Variants in DYNC2I2 observed in about 807,000 individuals in gnomAD.
DYNC2I2 encodes the protein cytoplasmic dynein 2 intermediate chain 2.
In DYNC2I2, 39 loss-of-function variants were observed where a neutral mutation model predicts 52.0. The observed-to-expected ratio is 0.75, with a 90% CI of 0.58 to 0.98. The LOEUF (loss-of-function observed/expected upper bound fraction) is 0.98, where lower values mean the gene tolerates loss of function less well. Among genes scored for constraint, DYNC2I2 ranks in the 50% least tolerant of loss-of-function variants. The pLI, the probability that DYNC2I2 is intolerant of heterozygous loss-of-function variation, is 0.00. For synonymous variants in DYNC2I2, 359 were observed against 321.1 expected, an observed-to-expected ratio of 1.12 and a Z score of -1.26; for missense variants, 743 against 728.4, an observed-to-expected ratio of 1.02 and a Z score of -0.23.
Position 128,635,278 on chromosome 9 carries a change from G to A in DYNC2I2, c.814-19C>T, listed in dbSNP as rs1473077530. 3 of 1,610,538 alleles carry A rather than the reference G, an allele frequency of 1.9e-6. No individual in the cohort carries two copies. The highest frequency in any genetic ancestry group is 2.2e-5 in the East Asian group (1 of 44,820). On this transcript the variant is annotated intron_variant, in intron 5 of 8. Transcript: ENST00000372715. ...ACACCACCTGAGTTAACAGCATGCA[G>A]GGCCAGGATGGAGACAAGGGACACC... is the stretch of plus-strand genomic sequence containing the variant.
At chr9:128,635,406 TG>T in intron 5 of DYNC2I2, 147 bp from the exon 6 acceptor site, 1 of 1,061,438 alleles carries the variant, frequency 9.4e-7, no homozygotes, top group Middle Eastern at 3.2e-4. Context: ...GGGGCAGGCC[TG>T]GAGGGTTCCC....
intron 2 of DYNC2I2, among the ~76,000 whole-genome samples, chr9:128,640,108 C>T (rs541247883): frequency 1.5e-4 from 23 of 150,130 alleles, no homozygotes; most frequent in African/African-American, 4.9e-4. Context: ...CCCGGGCTCA[C>T]GCCATTCTCC....
At position 128,651,015 on chromosome 9, in the gene DYNC2I2, C is replaced by T. The variant is rs946712821; in HGVS notation, c.186+5526G>A. On this transcript the variant is annotated intron_variant, in intron 1 of 8. Coordinates refer to ENST00000372715, the MANE Select transcript of DYNC2I2 (RefSeq NM_052844.4). ...CCTGCACCATGGCCACCTCTGCCCC[C>T]TCCTCGGAGCATGTCGGGAAGCGGC... 6 of 58,048 alleles carry T rather than the reference C, an allele frequency of 1.0e-4. 2 individuals carry two copies. Among genetic ancestry groups the T allele is most frequent in the African/African-American group, 2.1e-4 (6 of 29,248 alleles). The allele number at this position is 58,048 out of a possible 1,614,324, so 3.6% of individuals were successfully genotyped here. A position where few individuals can be genotyped will look rare whatever the true frequency, so the allele number is the denominator to read the frequency against.
In DYNC2I2 at chr9:128,635,164, T is replaced by C. The variant is rs774299298; in HGVS notation, c.909A>G (p.Val303=). The C allele has an allele frequency of 6.2e-7, 1 of 1,613,480 alleles. No individual in the cohort carries two copies. Among genetic ancestry groups the C allele is most frequent in the Non-Finnish European group, 8.5e-7 (1 of 1,179,992 alleles). Reference sequence around the variant, plus strand: ...AGCCCTCTGTGAGCTGCAGCTGGCCTACCCCGATGCCCTGCCAGAGTAGCA... The same window carrying C: ...AGCCCTCTGTGAGCTGCAGCTGGCCCACCCCGATGCCCTGCCAGAGTAGCA... ...GKVLLWQGIG[V]GQLQLTEGFA... is the part of the protein sequence containing the mutation. Residue 303 remains valine, a synonymous_variant, in exon 6 of 9, where the codon GTA becomes GTG. Transcript: ENST00000372715.
intron 1 of DYNC2I2, among the ~76,000 whole-genome samples, chr9:128,649,381 C>A (rs1860681173): frequency 6.6e-6 from 1 of 152,016 alleles, no homozygotes; most frequent in South Asian, 2.1e-4. Context: ...GAGTTTGAGG[C>A]TGCGTGAGCT....
chr9:128,682,043 A>G, the DYNC2I2 span, among the ~76,000 whole-genome samples: 1 of 151,116 alleles, frequency 6.6e-6, no homozygotes, highest in Non-Finnish European at 1.5e-5. Context: ...ACAGCACTCC[A>G]GCCTGGATGA....
At chr9:128,683,119 C>G in the DYNC2I2 span, among the ~76,000 whole-genome samples, 2 of 150,844 alleles carry the variant, frequency 1.3e-5, no homozygotes, top group African/African-American at 4.9e-5. Context: ...CTCAGCCTCC[C>G]AAGTAGCTGG....
At chr9:128,661,498 A>T (rs1221723744), upstream of DYNC2I2, among the ~76,000 whole-genome samples, 1 of 151,782 alleles carries the variant, frequency 6.6e-6, no homozygotes, top group East Asian at 1.9e-4. Flanking sequence ...GGTGCCTGTT[A>T]TCTCAGCTAC....
Position 128,633,932 on chromosome 9 carries a change from A to C in DYNC2I2, c.1423T>G (p.Leu475Val). 6.2e-7 allele frequency: 1 copy of C among 1,613,214 alleles called. No homozygotes were observed. Residue 475 changes from leucine to valine, a missense_variant, in exon 9 of 9, where the codon TTG (leucine) becomes GTG (valine). Physicochemically the swap from Leu to Val is conservative, Grantham distance 32. Transcript: ENST00000372715. ...CTTTCATCCTGGGTTTGCTTGATCAAAACTGTGGGTTTCTGGGAGCTTTTC... is the reference window on the plus strand; with the variant it reads ...CTTTCATCCTGGGTTTGCTTGATCACAACTGTGGGTTTCTGGGAGCTTTTC... ...LQKSSQKPTV[L>V]IKQTQDESPV... is the part of the protein sequence containing the mutation.
chr9:128,673,754 C>A, the DYNC2I2 span, among the ~76,000 whole-genome samples: 1 of 151,794 alleles, frequency 6.6e-6, no homozygotes, highest in Non-Finnish European at 1.5e-5. Flanking sequence ...GATCCGCCCC[C>A]CTAGGCCTCC....
chr9:128,666,483 C>T, the DYNC2I2 span, among the ~76,000 whole-genome samples: 2 of 151,768 alleles, frequency 1.3e-5, no homozygotes, highest in East Asian at 1.9e-4. Context: ...AAGACAATGC[C>T]GGGCATGGTG....
At chr9:128,636,185 C>G in intron 4 of DYNC2I2, 96 bp downstream of exon 4, 1 of 1,525,606 alleles carries the variant, frequency 6.6e-7, no homozygotes, top group Non-Finnish European at 8.9e-7. Flanking sequence ...TTCCTGTCTC[C>G]GGGCCAAAGG....
chr9:128,682,968 G>A, the DYNC2I2 span, among the ~76,000 whole-genome samples: 3 of 149,558 alleles, frequency 2.0e-5, no homozygotes, highest in African/African-American at 7.4e-5. Context: ...GAGTCACTGC[G>A]CCCGGCTGGG....
intron 1 of DYNC2I2, among the ~76,000 whole-genome samples, chr9:128,648,755 G>A (rs1225183548): frequency 5.3e-5 from 8 of 150,978 alleles, no homozygotes; most frequent in African/African-American, 1.5e-4. Context: ...AGCCAAGATC[G>A]TGCCACTGCA....
the DYNC2I2 span, among the ~76,000 whole-genome samples, chr9:128,671,996 C>T: frequency 5.5e-5 from 8 of 145,554 alleles, no homozygotes; most frequent in South Asian, 2.2e-4. Context: ...TTTATTGAGA[C>T]GGAGTCTCGC....
chr9:128,659,943 A>C (rs1860898805), upstream of DYNC2I2, among the ~76,000 whole-genome samples: 1 of 150,798 alleles, frequency 6.6e-6, no homozygotes, highest in Non-Finnish European at 1.5e-5. Context: ...AGTGGCATGC[A>C]TCTATGGCCC....
chr9:128,668,637 A>G, the DYNC2I2 span, among the ~76,000 whole-genome samples: 1 of 151,630 alleles, frequency 6.6e-6, no homozygotes, highest in African/African-American at 2.4e-5. Context: ...CTTGGCCAAC[A>G]TGGGGAAATC....
At chr9:128,636,075 C>G in intron 4 of DYNC2I2, 2 of 874,920 alleles carry the variant, frequency 2.3e-6, no homozygotes, top group Non-Finnish European at 3.7e-6. Flanking sequence ...GTCCTGGCCC[C>G]GACCCTGGCC....
At position 128,641,242 on chromosome 9, in the gene DYNC2I2, G is replaced by A. The variant is rs185935872; in HGVS notation, c.187-303C>T. On this transcript the variant is annotated intron_variant, in intron 1 of 8. Coordinates refer to ENST00000372715, the MANE Select transcript of DYNC2I2 (RefSeq NM_052844.4). ...CCCAAGACTTTTGGTGCAACAATTC[G>A]GAGGAGTCAGAGGGCTCCCTTTCTG... is the stretch of plus-strand genomic sequence containing the variant. Among the ~76,000 whole-genome samples the A allele has an allele frequency of 2.0e-4, 31 of 152,174 alleles. No individual in the cohort carries two copies. In the East Asian group the frequency reaches 2.9e-3, roughly 14 times the overall value.
Sources: allele counts gnomAD v4.1 joint callset (sites outside exome capture counted in the v4.1 genomes callset), GRCh38; gene constraint gnomAD v4.1.1; transcripts MANE v1.5; gene names NCBI Gene and HGNC (gene_info 2026-07-23, HGNC 2026-07-21).